POU6F2: variants seen among roughly 807,000 people sequenced by gnomAD.
POU6F2 encodes POU domain, class 6, transcription factor 2.
A neutral mutation model predicts 71.3 loss-of-function variants in POU6F2; 31 were observed. The observed-to-expected ratio is 0.43, with a 90% CI of 0.33 to 0.59. POU6F2 has a LOEUF of 0.59. POU6F2 is among the 20% of genes least tolerant of loss of function. The pLI is 0.04. For missense variants in POU6F2, 783 were observed against 856.8 expected (o/e 0.91, Z 1.07); for synonymous variants, 347 against 355.7 (o/e 0.98, Z 0.27).
At chr7:39,018,376 T>C (rs556081905) in intron 1 of POU6F2, among the ~76,000 whole-genome samples, 1 of 152,234 alleles carries the variant, frequency 6.6e-6, no homozygotes, top group Admixed American at 6.5e-5. Context: ...GTGTCAGGTG[T>C]GAAGATTGGT....
intron 2 of POU6F2, among the ~76,000 whole-genome samples, chr7:39,182,005 A>G (rs554201490): frequency 2.6e-4 from 39 of 152,338 alleles, no homozygotes; most frequent in Admixed American, 6.5e-4. Context: ...TACTCCTTAA[A>G]AAAGAAAACA....
intron 1 of POU6F2, chr7:39,013,186 T>A (rs1016444539): frequency 8.3e-5 from 13 of 157,438 alleles, no homozygotes; most frequent in Non-Finnish European, 1.4e-4. Context: ...GGAGACTCTG[T>A]GGGCGTAGGA....
chr7:39,096,381 C>T lies in POU6F2; in HGVS notation c.277+10350C>T, dbSNP rs542530133. ...TTTTTCTAACAATGAGCCACCCCTT[C>T]AGACATCAAAAGACAAGATAATAAG... On this transcript the variant is annotated intron_variant, in intron 2 of 9. Coordinates refer to ENST00000518318, the MANE Select transcript of POU6F2 (RefSeq NM_001370959.1). Among the ~76,000 whole-genome samples, 17 of 152,256 alleles carry T rather than the reference C, an allele frequency of 1.1e-4. No individual in the cohort carries two copies. The South Asian group carries it at 3.3e-3, about 30-fold the overall frequency.
At chr7:39,014,209 C>T (rs1789411223) in intron 1 of POU6F2, among the ~76,000 whole-genome samples, 1 of 152,114 alleles carries the variant, frequency 6.6e-6, no homozygotes, top group African/African-American at 2.4e-5. Flanking sequence ...CAATGTTTAG[C>T]AGCAGAACCT....
At chr7:39,327,628 T>C (rs1785538815) in intron 4 of POU6F2, among the ~76,000 whole-genome samples, 1 of 152,022 alleles carries the variant, frequency 6.6e-6, no homozygotes, top group Non-Finnish European at 1.5e-5. Flanking sequence ...ATGTTTATTT[T>C]ATATTGAAAA....
intron 5 of POU6F2, among the ~76,000 whole-genome samples, chr7:39,385,592 G>T (rs980500183): frequency 6.6e-6 from 1 of 152,172 alleles, no homozygotes; most frequent in African/African-American, 2.4e-5. Context: ...ACTTCATACC[G>T]ATGTCCCAAG....
At chr7:39,287,110 T>TACAA (rs1784664969) in intron 4 of POU6F2, among the ~76,000 whole-genome samples, 1 of 152,200 alleles carries the variant, frequency 6.6e-6, no homozygotes, top group African/African-American at 2.4e-5. Context: ...AGCCTGCTTG[T>TACAA]GCCCACAGCA....
intron 4 of POU6F2, among the ~76,000 whole-genome samples, chr7:39,299,533 A>C (rs774935962): frequency 6.6e-6 from 1 of 152,172 alleles, no homozygotes; most frequent in Non-Finnish European, 1.5e-5. Flanking sequence ...CCATGAAAAA[A>C]TCCTCCCTGC....
At chr7:38,998,410 A>G (rs4336512) in intron 1 of POU6F2, among the ~76,000 whole-genome samples, 16,318 of 152,194 alleles carry the variant, frequency 0.11, 931 homozygotes, top group East Asian at 0.13. Context: ...TCAGGTCCCA[A>G]TGAAAGGAGT....
At chr7:39,122,136 G>A (rs1407463334) in intron 2 of POU6F2, among the ~76,000 whole-genome samples, 2 of 152,188 alleles carry the variant, frequency 1.3e-5, no homozygotes, top group Non-Finnish European at 2.9e-5. Flanking sequence ...TGGCAAATAA[G>A]CCATTTTATG....
intron 1 of POU6F2, among the ~76,000 whole-genome samples, chr7:38,993,773 G>A (rs910023154): frequency 2.6e-5 from 4 of 152,002 alleles, no homozygotes; most frequent in African/African-American, 7.3e-5. Context: ...GTAGCATTCC[G>A]TGGAAGAAGA....
intron 5 of POU6F2, among the ~76,000 whole-genome samples, chr7:39,345,556 T>G (rs775642036): frequency 6.6e-6 from 1 of 152,258 alleles, no homozygotes; most frequent in Non-Finnish European, 1.5e-5. Context: ...TGAAATGTTA[T>G]GACAATCAAA....
chr7:39,363,460 T>C (rs955218766), intron 5 of POU6F2, among the ~76,000 whole-genome samples: 2 of 151,794 alleles, frequency 1.3e-5, no homozygotes, highest in East Asian at 3.9e-4. Flanking sequence ...AATTGGATAA[T>C]CAGGTTTTGG....
At position 39,433,277 on chromosome 7, in the gene POU6F2, C is replaced by G. The variant is rs143607091; in HGVS notation, c.1314C>G (p.Gly438=). The change falls in exon 7 of 10, where the codon GGC becomes GGG. Residue 438 remains glycine, a synonymous_variant. Transcript: ENST00000518318. ...QGITLSPIKP[G]QQLHQPSQTS... ...TCACGCTGTCACCCATCAAGCCCGG[C>G]CAGCAGGTAAATGTTCCAGGCCAAG... The G allele has an allele frequency of 9.3e-5, 150 of 1,613,928 alleles. No homozygotes were observed. The African/African-American group carries it at 1.9e-3, about 21-fold the overall frequency.
chr7:39,333,836 A>C (rs1785708689), intron 4 of POU6F2, among the ~76,000 whole-genome samples: 3 of 152,146 alleles, frequency 2.0e-5, no homozygotes, highest in Admixed American at 2.0e-4. Flanking sequence ...CACCCTCCCC[A>C]CTTGCTGCAG....
intron 5 of POU6F2, among the ~76,000 whole-genome samples, chr7:39,387,626 G>T (rs1786976106): frequency 6.6e-6 from 1 of 152,192 alleles, no homozygotes; most frequent in African/African-American, 2.4e-5. Flanking sequence ...CCACACAGCA[G>T]AACTGATATA....
intron 4 of POU6F2, among the ~76,000 whole-genome samples, chr7:39,238,852 C>T (rs911344187): frequency 1.3e-5 from 2 of 152,054 alleles, no homozygotes; most frequent in Non-Finnish European, 1.5e-5. Context: ...TCAAAGAGTA[C>T]AGTAATAAAA....
intron 1 of POU6F2, among the ~76,000 whole-genome samples, chr7:39,055,214 T>A (rs1182896028): frequency 6.6e-6 from 1 of 152,162 alleles, no homozygotes; most frequent in Admixed American, 6.6e-5. Flanking sequence ...GGAACTGGTA[T>A]GTCAGTGTGT....
chr7:39,333,181 T>C (rs180733855), intron 4 of POU6F2, among the ~76,000 whole-genome samples: 1 of 152,148 alleles, frequency 6.6e-6, no homozygotes, highest in African/African-American at 2.4e-5. Flanking sequence ...CATTCTACTT[T>C]ACATCCTTCG....
Sources: gnomAD v4.1 joint callset for allele counts (sites outside exome capture counted in the v4.1 genomes callset) on GRCh38, gnomAD v4.1.1 for gene constraint, MANE v1.5 for transcripts, NCBI Gene and HGNC (gene_info 2026-07-23, HGNC 2026-07-21) for gene names.